CNTNAP4: variants seen among roughly 807,000 people sequenced by gnomAD.
The protein encoded by CNTNAP4 is contactin-associated protein-like 4.
CNTNAP4 carries 98 observed loss-of-function variants against 148.4 expected under a neutral mutation model. The ratio of observed to expected loss-of-function variants is 0.66; its 90% CI spans 0.56 to 0.78. CNTNAP4 has a LOEUF of 0.78. Ranked by LOEUF, CNTNAP4 falls within the 30% of genes least tolerant of loss-of-function variation. CNTNAP4 has a pLI of 0.00. For missense variants in CNTNAP4, 1,935 were observed against 1,565.6 expected, an observed-to-expected ratio of 1.24 and a Z score of -3.98; for synonymous variants, 730 against 565.1, an observed-to-expected ratio of 1.29 and a Z score of -4.14.
At chr16:76,353,568 C>T (rs2012146229) in intron 2 of CNTNAP4, among the ~76,000 whole-genome samples, 1 of 152,100 alleles carries the variant, frequency 6.6e-6, no homozygotes, top group Non-Finnish European at 1.5e-5. Context: ...AGGTACCAGA[C>T]AACTAGGGGT....
rs749437550 is a variant in CNTNAP4, at chr16:76,539,789, C to G, written c.3291C>G (p.Asn1097Lys). The stretch of plus-strand genomic sequence containing the variant: ...ATGTTGTTAACTTTGATTTTAAAAA[C>G]ATGGCTGATGGACAACTTCACCACA... ...EPDVVNFDFK[N>K]MADGQLHHIM... is the part of the protein sequence containing the mutation. Residue 1097 changes from asparagine (N) to lysine (K), a missense_variant, in exon 20 of 24, where the codon AAC (asparagine) becomes AAG (lysine). Transcript: ENST00000611870. 4 of 1,602,200 alleles carry G rather than the reference C, an allele frequency of 2.5e-6. No individual in the cohort carries two copies. Among genetic ancestry groups the G allele is most frequent in the Middle Eastern group, 3.3e-4 (2 of 6,044 alleles).
At chr16:76,418,276 T>G (rs2079055637) in intron 3 of CNTNAP4, among the ~76,000 whole-genome samples, 1 of 151,190 alleles carries the variant, frequency 6.6e-6, no homozygotes, top group African/African-American at 2.4e-5. Flanking sequence ...TTCTTGATAC[T>G]ATCTTATGCT....
intron 15 of CNTNAP4, among the ~76,000 whole-genome samples, chr16:76,512,446 G>A (rs2083065452): frequency 1.3e-5 from 2 of 152,160 alleles, no homozygotes; most frequent in South Asian, 4.1e-4. Context: ...ATTTCCTGAT[G>A]AATTGTTGTA....
At chr16:76,547,595 C>A (rs552311654) in intron 21 of CNTNAP4, among the ~76,000 whole-genome samples, 1 of 152,286 alleles carries the variant, frequency 6.6e-6, no homozygotes, top group South Asian at 2.1e-4. Context: ...TGCTTTTTAT[C>A]TCCAAAACTC....
intron 1 of CNTNAP4, among the ~76,000 whole-genome samples, chr16:76,291,736 A>AC (rs1959125268): frequency 6.6e-6 from 1 of 152,220 alleles, no homozygotes; most frequent in Non-Finnish European, 1.5e-5. Flanking sequence ...AATAAAGCAA[A>AC]CAAACAATAA....
intron 15 of CNTNAP4, among the ~76,000 whole-genome samples, chr16:76,499,540 C>CT (rs1465412849): frequency 6.6e-6 from 1 of 151,470 alleles, no homozygotes; most frequent in African/African-American, 2.4e-5. Context: ...ACTCCAAGTT[C>CT]TTTTTTATTT....
chr16:76,430,387 G>A (rs1039995126), intron 4 of CNTNAP4, among the ~76,000 whole-genome samples: 1 of 152,104 alleles, frequency 6.6e-6, no homozygotes, highest in African/African-American at 2.4e-5. Context: ...GGCTTTCCCT[G>A]CCCTCAGAAG....
chr16:76,331,163 C>T (rs1041296896), intron 2 of CNTNAP4, among the ~76,000 whole-genome samples: 2 of 151,018 alleles, frequency 1.3e-5, no homozygotes, highest in Non-Finnish European at 3.0e-5. Flanking sequence ...ATTCCATTCT[C>T]ATTCTTTTTT....
At chr16:76,515,174 G>C (rs1203372367) in intron 15 of CNTNAP4, among the ~76,000 whole-genome samples, 1 of 152,100 alleles carries the variant, frequency 6.6e-6, no homozygotes, top group Admixed American at 6.6e-5. Context: ...TCAAAAAACA[G>C]TTGCAAACCA....
chr16:76,407,857 T>C (rs1418501906), intron 3 of CNTNAP4, among the ~76,000 whole-genome samples: 3 of 152,066 alleles, frequency 2.0e-5, no homozygotes, highest in Non-Finnish European at 2.9e-5. Context: ...AAATATCAAA[T>C]GGCATCACAT....
intron 1 of CNTNAP4, among the ~76,000 whole-genome samples, chr16:76,295,241 C>T (rs9940963): frequency 0.02 from 3,036 of 152,230 alleles, 107 homozygotes; most frequent in African/African-American, 0.068. Context: ...AACACATGCC[C>T]ATCATAGCGA....
chr16:76,380,682 C>T (rs2015879766), intron 3 of CNTNAP4, among the ~76,000 whole-genome samples: 1 of 152,060 alleles, frequency 6.6e-6, no homozygotes, highest in Non-Finnish European at 1.5e-5. Flanking sequence ...GCGATACTAC[C>T]TTTATATAGC....
intron 3 of CNTNAP4, among the ~76,000 whole-genome samples, chr16:76,373,685 A>G (rs2015101641): frequency 6.6e-6 from 1 of 152,092 alleles, no homozygotes; most frequent in Admixed American, 6.6e-5. Flanking sequence ...ACCTGAGCTC[A>G]GGAGTTCAAG....
intron 3 of CNTNAP4, among the ~76,000 whole-genome samples, chr16:76,423,699 C>G (rs7204854): frequency 2.0e-5 from 3 of 151,914 alleles, no homozygotes; most frequent in African/African-American, 7.3e-5. Context: ...AAATTTCCAT[C>G]AAATATTAAA....
intron 3 of CNTNAP4, among the ~76,000 whole-genome samples, chr16:76,419,717 G>A (rs1017350181): frequency 9.9e-5 from 15 of 152,004 alleles, no homozygotes; most frequent in African/African-American, 3.1e-4. Context: ...TAGACTGGGT[G>A]ACTTAAACAA....
chr16:76,468,555 G>A (rs2081257716), intron 10 of CNTNAP4, among the ~76,000 whole-genome samples: 2 of 152,042 alleles, frequency 1.3e-5, no homozygotes, highest in Non-Finnish European at 2.9e-5. Flanking sequence ...TGGTGCGATC[G>A]TAGCTCACTG....
chr16:76,380,987 C>T (rs8059490), intron 3 of CNTNAP4, among the ~76,000 whole-genome samples: 24,091 of 152,112 alleles, frequency 0.16, 2,500 homozygotes, highest in East Asian at 0.45. Flanking sequence ...CTTTCGTATT[C>T]TCCTTTGTCG....
chr16:76,475,772 T>C (rs544518261), intron 10 of CNTNAP4, among the ~76,000 whole-genome samples, 167 bp from the exon 11 acceptor site: 2 of 152,326 alleles, frequency 1.3e-5, no homozygotes, highest in South Asian at 2.1e-4. Flanking sequence ...ATGAATTTAT[T>C]GATCTAAGGT....
intron 8 of CNTNAP4, among the ~76,000 whole-genome samples, chr16:76,454,092 G>A (rs1322287265): frequency 1.3e-5 from 2 of 150,556 alleles, no homozygotes; most frequent in Non-Finnish European, 1.5e-5. Flanking sequence ...GGAGCTCCAT[G>A]AAGTCAGCCT....
Sources: gnomAD v4.1 joint callset for allele counts (sites outside exome capture counted in the v4.1 genomes callset) on GRCh38, gnomAD v4.1.1 for gene constraint, MANE v1.5 for transcripts, NCBI Gene and HGNC (gene_info 2026-07-23, HGNC 2026-07-21) for gene names.